The following OXCT1 variants were observed in gnomAD, a reference collection of about 807,000 sequenced individuals.
OXCT1 encodes succinyl-CoA:3-ketoacid coenzyme A transferase 1, mitochondrial.
In OXCT1, 27 loss-of-function variants were observed where a neutral mutation model predicts 69.6. The ratio of observed to expected loss-of-function variants is 0.39; its 90% CI spans 0.29 to 0.54. OXCT1 has a LOEUF of 0.54. Ranked by LOEUF, OXCT1 falls within the 20% of genes least tolerant of loss-of-function variation. The pLI, the probability that OXCT1 is intolerant of heterozygous loss-of-function variation, is 0.72. For missense variants in OXCT1, 437 were observed against 650.2 expected, an observed-to-expected ratio of 0.67 and a Z score of 3.57; for synonymous variants, 202 against 217.8, an observed-to-expected ratio of 0.93 and a Z score of 0.64.
chr5:41,836,271 T>C (rs1029955028), intron 7 of OXCT1, among the ~76,000 whole-genome samples: 4 of 152,170 alleles, frequency 2.6e-5, no homozygotes, highest in African/African-American at 7.2e-5. Context: ...AACATCTCTC[T>C]AGCATGTGTG....
At chr5:41,768,360 C>T (rs1194490837) in intron 13 of OXCT1, among the ~76,000 whole-genome samples, 1 of 152,078 alleles carries the variant, frequency 6.6e-6, no homozygotes, top group Non-Finnish European at 1.5e-5. Flanking sequence ...AATCTCAATC[C>T]CTGAATTACT....
intron 13 of OXCT1, among the ~76,000 whole-genome samples, chr5:41,766,277 T>A (rs979840566): frequency 6.6e-6 from 1 of 152,096 alleles, no homozygotes; most frequent in Non-Finnish European, 1.5e-5. Flanking sequence ...GCATGCTCCA[T>A]CACAACAGTT....
chr5:41,787,875 A>G (rs1009043807), intron 13 of OXCT1, among the ~76,000 whole-genome samples: 9 of 152,080 alleles, frequency 5.9e-5, no homozygotes, highest in African/African-American at 2.2e-4. Flanking sequence ...CATCTATAGA[A>G]TTTGTGCTAC....
chr5:41,810,185 G>A (rs964267), intron 7 of OXCT1, among the ~76,000 whole-genome samples: 27,662 of 151,964 alleles, frequency 0.18, 2,736 homozygotes, highest in Middle Eastern at 0.29. Context: ...TAAGGAAGGA[G>A]CAATGGGAGG....
At chr5:41,777,153 T>G (rs1192868487) in intron 13 of OXCT1, among the ~76,000 whole-genome samples, 3 of 152,118 alleles carry the variant, frequency 2.0e-5, no homozygotes, top group African/African-American at 7.2e-5. Context: ...TGCGGTGGCT[T>G]ATGCCTGTAA....
At chr5:41,838,464 T>TA (rs1196143203) in intron 7 of OXCT1, among the ~76,000 whole-genome samples, 1 of 152,214 alleles carries the variant, frequency 6.6e-6, no homozygotes, top group Non-Finnish European at 1.5e-5. Context: ...GTTCCTGTAC[T>TA]AGTATAACAG....
At chr5:41,853,693 C>T (rs976327652) in intron 3 of OXCT1, 139 bp from the exon 4 acceptor site, 1 of 931,900 alleles carries the variant, frequency 1.1e-6, no homozygotes, top group African/African-American at 1.6e-5. Flanking sequence ...CTTAGTCTCC[C>T]ATAACCCCAA....
At chr5:41,790,754 A>G (rs1271668378) in intron 13 of OXCT1, among the ~76,000 whole-genome samples, 3 of 152,220 alleles carry the variant, frequency 2.0e-5, no homozygotes, top group Non-Finnish European at 4.4e-5. Context: ...ACATAAGTCA[A>G]CAAATCTTTG....
chr5:41,762,643 A>C lies in OXCT1; in HGVS notation c.1249-443T>G, dbSNP rs1465362130. Among the ~76,000 whole-genome samples, 1 of 152,256 alleles carries C rather than the reference A, an allele frequency of 6.6e-6. No homozygotes were observed. Among genetic ancestry groups the C allele is most frequent in the Middle Eastern group, 3.4e-3 (1 of 294 alleles). ...ATTTCCTGCAGATTAAAATTCCATT[A>C]TGTAGTAGTAGGCTGAGGCATGAAT... On this transcript the variant is annotated intron_variant, in intron 13 of 16. Transcript: ENST00000196371. This position sits in a 1 kb window ranked among gnomAD's most constrained non-coding sequence, Gnocchi z 4.0.
At chr5:41,859,650 C>G (rs1251518276) in intron 3 of OXCT1, among the ~76,000 whole-genome samples, 3 of 151,832 alleles carry the variant, frequency 2.0e-5, no homozygotes, top group African/African-American at 7.3e-5. Context: ...GACAAAATAA[C>G]TAAATCCTAG....
At chr5:41,850,294 A>G in intron 4 of OXCT1, 115 bp from the exon 5 acceptor site, 1 of 1,135,684 alleles carries the variant, frequency 8.8e-7, no homozygotes, top group Non-Finnish European at 1.3e-6. Context: ...AAAAGTAGCT[A>G]GCATTGTACA....
intron 5 of OXCT1, among the ~76,000 whole-genome samples, chr5:41,845,537 G>C (rs1483505518): frequency 6.6e-6 from 1 of 151,358 alleles, no homozygotes; most frequent in Non-Finnish European, 1.5e-5. Context: ...CACTAATTTA[G>C]AAATGAACTC....
intron 3 of OXCT1, 80 bp downstream of exon 3, chr5:41,861,234 T>C: frequency 1.0e-6 from 1 of 968,092 alleles, no homozygotes; most frequent in Non-Finnish European, 1.7e-6. Flanking sequence ...GGAGAAAACT[T>C]CATTTCATTG....
Position 41,730,233 on chromosome 5 carries a change from A to T in OXCT1, c.*1496T>A, listed in dbSNP as rs1333819783. ...TATCAACAATTCTTTTCAAAATCAT[A>T]TCAATATATTACTCTCATGGAACTT... On this transcript the variant is annotated 3_prime_UTR_variant, in exon 17 of 17. Transcript: ENST00000196371. 2 of 152,226 alleles carry T rather than the reference A, an allele frequency of 1.3e-5. No homozygotes were observed. The highest frequency in any genetic ancestry group is 2.9e-5 in the Non-Finnish European group (2 of 68,046). The allele number at this position is 152,226 out of a possible 1,614,324, so 9.4% of individuals were successfully genotyped here.
intron 7 of OXCT1, among the ~76,000 whole-genome samples, chr5:41,826,943 T>G (rs1747835667): frequency 6.6e-6 from 1 of 152,008 alleles, no homozygotes; most frequent in African/African-American, 2.4e-5. Flanking sequence ...AGTGTAGGAG[T>G]GAATCTCTAC....
chr5:41,754,408 T>G (rs1743959730), intron 14 of OXCT1, among the ~76,000 whole-genome samples: 1 of 152,054 alleles, frequency 6.6e-6, no homozygotes, highest in African/African-American at 2.4e-5. Flanking sequence ...CTATAACTGA[T>G]GTAGCTGGAT....
chr5:41,763,709 C>T (rs903501103), intron 13 of OXCT1, among the ~76,000 whole-genome samples: 5 of 151,818 alleles, frequency 3.3e-5, no homozygotes, highest in African/African-American at 7.3e-5. Flanking sequence ...ACTGAGGGGG[C>T]GAGCGCTGGA....
chr5:41,780,208 C>T (rs568943344), intron 13 of OXCT1, among the ~76,000 whole-genome samples: 181 of 152,038 alleles, frequency 1.2e-3, no homozygotes, highest in Non-Finnish European at 2.1e-3. Context: ...AAAATTGCCA[C>T]AAGAAGTGAG....
intron 16 of OXCT1, among the ~76,000 whole-genome samples, chr5:41,737,931 T>C (rs1390858553): frequency 2.0e-5 from 3 of 152,118 alleles, no homozygotes; most frequent in Non-Finnish European, 1.5e-5. Flanking sequence ...GGCATGTGCC[T>C]GTAGTCCCAG....
Sources: allele counts gnomAD v4.1 joint callset (sites outside exome capture counted in the v4.1 genomes callset), GRCh38; gene constraint gnomAD v4.1.1; non-coding constraint Gnocchi (gnomAD v3.1); transcripts MANE v1.5; gene names NCBI Gene and HGNC (gene_info 2026-07-23, HGNC 2026-07-21).